The following CCKAR variants were observed in gnomAD, a reference collection of about 807,000 sequenced individuals.
CCKAR encodes cholecystokinin receptor type A.
In CCKAR, 21 loss-of-function variants were observed where a neutral mutation model predicts 29.8. The ratio of observed to expected loss-of-function variants is 0.70; its 90% confidence interval spans 0.50 to 1.01. The LOEUF (loss-of-function observed/expected upper bound fraction) is 1.01, where lower values mean the gene tolerates loss of function less well. Ranked by LOEUF, CCKAR falls within the 50% of genes least tolerant of loss-of-function variation. The pLI, the probability that CCKAR is intolerant of heterozygous loss-of-function variation, is 0.00. For synonymous variants in CCKAR, 238 were observed against 221.3 expected, an observed-to-expected ratio of 1.08 and a Z score of -0.67; for missense variants, 570 against 560.6, an observed-to-expected ratio of 1.02 and a Z score of -0.17.
chr4:26,484,984 G>C (rs1168489744), intron 3 of CCKAR, among the ~76,000 whole-genome samples: 1 of 151,688 alleles, frequency 6.6e-6, no homozygotes, highest in Non-Finnish European at 1.5e-5. Context: ...CTGAGGTCAG[G>C]AGTTCGAAAC....
intron 3 of CCKAR, 111 bp from the exon 4 acceptor site, chr4:26,483,394 A>G: frequency 1.0e-6 from 1 of 967,128 alleles, no homozygotes; most frequent in Non-Finnish European, 1.5e-6. Context: ...CAAACACATT[A>G]ATTACTAGTA....
chr4:26,482,078 G>T lies in CCKAR; in HGVS notation c.847C>A (p.Arg283=). 2 of 1,614,194 alleles carry T rather than the reference G, an allele frequency of 1.2e-6. No homozygotes were observed. The highest frequency in any genetic ancestry group is 8.5e-7 in the Non-Finnish European group (1 of 1,180,044). Residue 283 remains arginine (R), a synonymous_variant, in exon 5 of 5, where the codon CGG becomes AGG. Transcript: ENST00000295589. ...CTGCTGCTGCCGGTGGACAGCTGCC[G>T]GAGCTCCAGCTTCCTCGGGGGCCTG... ...KTRPPRKLEL[R]QLSTGSSSRA... is the part of the protein sequence containing the mutation.
chr4:26,484,865 G>A (rs1174679156), intron 3 of CCKAR, among the ~76,000 whole-genome samples: 1 of 117,586 alleles, frequency 8.5e-6, no homozygotes, highest in African/African-American at 4.2e-5. Context: ...AATATAGTGA[G>A]ACCCAATCTC....
intron 4 of CCKAR, among the ~76,000 whole-genome samples, chr4:26,482,743 T>A (rs995453236): frequency 6.6e-6 from 1 of 151,842 alleles, no homozygotes; most frequent in African/African-American, 2.4e-5. Flanking sequence ...GGAGAGAGGA[T>A]GAGGAGGAGA....
In CCKAR at chr4:26,490,280, C is replaced by T; in HGVS notation, c.-13G>A. The stretch of plus-strand genomic sequence containing the variant: ...CAACCACATCCATCCTTGCCTGCTG[C>T]TTTCCACCAAGTGCTGGAGAGCTGG... On this transcript the variant is annotated 5_prime_UTR_variant, in exon 1 of 5. Transcript: ENST00000295589. The T allele has an allele frequency of 6.4e-7, 1 of 1,552,840 alleles. No individual in the cohort carries two copies. The highest frequency in any genetic ancestry group is 8.9e-7 in the Non-Finnish European group (1 of 1,124,478).
In CCKAR at chr4:26,481,786, C is replaced by A. The variant is rs1353182992; in HGVS notation, c.1139G>T (p.Gly380Val). 1.2e-6 allele frequency: 2 copies of A among 1,613,978 alleles called. No homozygotes were observed. Among genetic ancestry groups the A allele is most frequent in the Non-Finnish European group, 1.7e-6 (2 of 1,179,922 alleles). The change falls in exon 5 of 5, where the codon GGC becomes GTC. Residue 380 changes from glycine (G) to valine (V), a missense_variant. Coordinates refer to ENST00000295589, the MANE Select transcript of CCKAR (RefSeq NM_000730.3). ...YCFMNKRFRL[G>V]FMATFPCCPN... ...GCAGCAGGGGAAGGTGGCCATGAAG[C>A]CGAGGCGGAAGCGTTTGTTCATGAA...
intron 4 of CCKAR, among the ~76,000 whole-genome samples, chr4:26,482,611 C>A (rs1310433532): frequency 6.6e-6 from 1 of 152,086 alleles, no homozygotes; most frequent in Non-Finnish European, 1.5e-5. Context: ...TGAGTTAGGG[C>A]ATGGAGTGAG....
chr4:26,484,354 G>C (rs1737405173), intron 3 of CCKAR, among the ~76,000 whole-genome samples: 1 of 152,190 alleles, frequency 6.6e-6, no homozygotes, highest in South Asian at 2.1e-4. Context: ...AGCAAAAAAA[G>C]CAGAGATGAT....
intron 2 of CCKAR, 72 bp downstream of exon 2, chr4:26,489,161 G>T (rs1036882880): frequency 3.2e-6 from 5 of 1,583,100 alleles, no homozygotes; most frequent in Non-Finnish European, 4.3e-6. Flanking sequence ...GTGATTGTCA[G>T]AGGTTTGGGA....
intron 1 of CCKAR, 113 bp downstream of exon 1, chr4:26,490,043 A>G (rs772805816): frequency 2.8e-5 from 19 of 678,494 alleles, no homozygotes; most frequent in Non-Finnish European, 3.7e-5. Flanking sequence ...GACTTTATCT[A>G]GCCTTGTCTC....
At chr4:26,484,659 A>T (rs1737412147) in intron 3 of CCKAR, among the ~76,000 whole-genome samples, 1 of 152,150 alleles carries the variant, frequency 6.6e-6, no homozygotes, top group East Asian at 1.9e-4. Context: ...TATTTCTGGT[A>T]AAATGCTCTG....
At chr4:26,490,095 T>A in intron 1 of CCKAR, 61 bp downstream of exon 1, 5 of 1,053,296 alleles carry the variant, frequency 4.7e-6, no homozygotes, top group Non-Finnish European at 7.4e-6. Flanking sequence ...GCCTTGCCTT[T>A]GCTGATTTCT....
Position 26,481,768 on chromosome 4 carries a change from G to A in CCKAR, c.1157C>T (p.Pro386Leu). The change falls in exon 5 of 5, where the codon CCC becomes CTC. Residue 386 changes from proline to leucine, a missense_variant. By Grantham distance (98) the Pro-to-Leu change is moderately conservative. Coordinates refer to ENST00000295589, the MANE Select transcript of CCKAR (RefSeq NM_000730.3). ...TGGGGGACCAGGATTGGGGCAGCAG[G>A]GGAAGGTGGCCATGAAGCCGAGGCG... Reference protein sequence around the residue: ...RFRLGFMATFPCCPNPGPPGA... With the variant: ...RFRLGFMATFLCCPNPGPPGA... The A allele has an allele frequency of 6.2e-7, 1 of 1,614,128 alleles. No homozygotes were observed. The highest frequency in any genetic ancestry group is 8.5e-7 in the Non-Finnish European group (1 of 1,180,006).
At chr4:26,488,250 T>C (rs1318587082) in intron 2 of CCKAR, among the ~76,000 whole-genome samples, 1 of 152,190 alleles carries the variant, frequency 6.6e-6, no homozygotes, top group Non-Finnish European at 1.5e-5. Flanking sequence ...TGTTCAACTT[T>C]AAGAGAACCA....
chr4:26,489,084 T>C, intron 2 of CCKAR, 149 bp downstream of exon 2: 1 of 989,188 alleles, frequency 1.0e-6, no homozygotes, highest in Non-Finnish European at 1.5e-6. Flanking sequence ...CCAGCACCAA[T>C]GTCCGTGCAC....
At chr4:26,483,070 C>T (rs371807816) in intron 4 of CCKAR, 86 bp downstream of exon 4, 14 of 1,359,564 alleles carry the variant, frequency 1.0e-5, no homozygotes, top group East Asian at 2.4e-5. Flanking sequence ...ACAAACTTTA[C>T]GTACACTCTG....
rs907122470 is a variant in CCKAR, at chr4:26,485,526, C to T, written c.626+111G>A. On this transcript the variant is annotated intron_variant, in intron 3 of 4. Transcript: ENST00000295589. ...CGAGGCTAGAAAGACCTTCTCAAAA[C>T]GTCTCCAGGAAACTGATCCCCCAAC... 14 of 1,138,852 alleles carry T rather than the reference C, an allele frequency of 1.2e-5. No homozygotes were observed. In the Admixed American group the frequency reaches 2.1e-4, roughly 17 times the overall value. The allele number at this position is 1,138,852 out of a possible 1,614,324, so 70.5% of individuals were successfully genotyped here.
chr4:26,486,875 C>G (rs1737462096), intron 2 of CCKAR, among the ~76,000 whole-genome samples: 1 of 152,170 alleles, frequency 6.6e-6, no homozygotes, highest in African/African-American at 2.4e-5. Context: ...GATCGCACCA[C>G]TGCACCCCAG....
At position 26,483,435 on chromosome 4, in the gene CCKAR, G is replaced by C. The variant is rs1737390468; in HGVS notation, c.627-152C>G. ...TATCCTTGGCAACTTCATGTCTGGA[G>C]ATTCAGTCATTATAAGTTGTTTACT... is the stretch of plus-strand genomic sequence containing the variant. On this transcript the variant is annotated intron_variant, in intron 3 of 4. Transcript: ENST00000295589. 4 of 639,710 alleles carry C rather than the reference G, an allele frequency of 6.3e-6. No homozygotes were observed. The South Asian group carries it at 1.3e-4, about 21-fold the overall frequency. The allele number at this position is 639,710 out of a possible 1,614,324, so 39.6% of individuals were successfully genotyped here. A position where few individuals can be genotyped will look rare whatever the true frequency, so the allele number is the denominator to read the frequency against.
Sources: gnomAD v4.1 joint callset for allele counts (sites outside exome capture counted in the v4.1 genomes callset) on GRCh38, gnomAD v4.1.1 for gene constraint, MANE v1.5 for transcripts, NCBI Gene and HGNC (gene_info 2026-07-23, HGNC 2026-07-21) for gene names.